Variants in RARB observed in about 807,000 individuals in gnomAD.
RARB encodes retinoic acid receptor beta.
RARB carries 17 observed loss-of-function variants against 51.9 expected under a neutral mutation model. The ratio of observed to expected loss-of-function variants is 0.33; its 90% CI spans 0.22 to 0.49. The LOEUF (loss-of-function observed/expected upper bound fraction) is 0.49. Ranked by LOEUF, RARB falls within the 20% of genes least tolerant of loss-of-function variation. The pLI is 0.99. For missense variants in RARB, 369 were observed against 550.8 expected (o/e 0.67, Z 3.30); for synonymous variants, 215 against 195.4 (o/e 1.10, Z -0.84).
At chr3:25,217,894 A>G (rs541876290) in intron 5 of RARB, among the ~76,000 whole-genome samples, 1 of 152,230 alleles carries the variant, frequency 6.6e-6, no homozygotes, top group South Asian at 2.1e-4. Context: ...CTTATGAGAA[A>G]TGGAAGCGCT....
chr3:24,833,557 T>C (rs915108499), intron 1 of RARB, among the ~76,000 whole-genome samples: 33 of 152,352 alleles, frequency 2.2e-4, no homozygotes, highest in African/African-American at 7.9e-4. Context: ...AACGTCTCCA[T>C]TTGGATGTTT....
At chr3:25,059,923 G>T (rs1333508190) in intron 2 of RARB, among the ~76,000 whole-genome samples, 1 of 151,802 alleles carries the variant, frequency 6.6e-6, no homozygotes, top group Non-Finnish European at 1.5e-5. Flanking sequence ...TGAAAAAAGT[G>T]AGTTGTCGGT....
intron 3 of RARB, among the ~76,000 whole-genome samples, chr3:25,129,130 G>T (rs1459775122): frequency 1.3e-5 from 2 of 151,938 alleles, no homozygotes; most frequent in East Asian, 1.9e-4. Context: ...TAAATCATTA[G>T]ACTGCATGTG....
At chr3:25,284,835 G>GTT (rs1703610819) in intron 5 of RARB, among the ~76,000 whole-genome samples, 1 of 152,182 alleles carries the variant, frequency 6.6e-6, no homozygotes, top group Non-Finnish European at 1.5e-5. Flanking sequence ...TAGGTACACA[G>GTT]AAGGCTAACA....
chr3:24,945,251 T>C (rs934245827), intron 2 of RARB, among the ~76,000 whole-genome samples: 1 of 152,186 alleles, frequency 6.6e-6, no homozygotes, highest in East Asian at 1.9e-4. Flanking sequence ...TAAGAATAAG[T>C]CTGTCAAGAT....
At chr3:25,332,758 A>T (rs1704940853) in intron 5 of RARB, among the ~76,000 whole-genome samples, 1 of 152,210 alleles carries the variant, frequency 6.6e-6, no homozygotes, top group South Asian at 2.1e-4. Flanking sequence ...AGATGACATG[A>T]TTGTATATTT....
intron 2 of RARB, among the ~76,000 whole-genome samples, chr3:24,861,769 A>G (rs1702753162): frequency 6.6e-6 from 1 of 152,154 alleles, no homozygotes; most frequent in Non-Finnish European, 1.5e-5. Context: ...TAGCCTCTGG[A>G]AAACTGCACT....
At chr3:25,242,318 C>G (rs953646971) in intron 5 of RARB, among the ~76,000 whole-genome samples, 1 of 152,186 alleles carries the variant, frequency 6.6e-6, no homozygotes, top group African/African-American at 2.4e-5. Context: ...AATTAGATCC[C>G]ATTTGGAAAT....
At chr3:24,888,172 A>C (rs1703299939) in intron 2 of RARB, among the ~76,000 whole-genome samples, 1 of 152,200 alleles carries the variant, frequency 6.6e-6, no homozygotes, top group South Asian at 2.1e-4. Flanking sequence ...CTGAAACCCA[A>C]AGATGGGCTG....
At chr3:24,944,067 G>A (rs1695724599) in intron 2 of RARB, among the ~76,000 whole-genome samples, 2 of 152,128 alleles carry the variant, frequency 1.3e-5, no homozygotes, top group Admixed American at 6.5e-5. Flanking sequence ...GACCAAGGGG[G>A]GTTTGGGACC....
At chr3:25,217,842 A>G (rs1701867224) in intron 5 of RARB, among the ~76,000 whole-genome samples, 1 of 152,196 alleles carries the variant, frequency 6.6e-6, no homozygotes, top group Admixed American at 6.5e-5. Context: ...GATATGCACC[A>G]AACCCTAAAG....
intron 3 of RARB, among the ~76,000 whole-genome samples, chr3:25,539,532 C>CT (rs56693487): frequency 0.15 from 15,384 of 102,268 alleles, 1,459 homozygotes; most frequent in Admixed American, 0.25. Flanking sequence ...CTCTCTCTCT[C>CT]TTTTTTTTTT....
chr3:25,247,552 C>G (rs1267748563), intron 5 of RARB, among the ~76,000 whole-genome samples: 1 of 152,310 alleles, frequency 6.6e-6, no homozygotes, highest in East Asian at 1.9e-4. Context: ...TGGTCCCTCA[C>G]AGATTCCCTT....
chr3:25,037,259 C>CTTT (rs35430060), intron 2 of RARB, among the ~76,000 whole-genome samples: 1 of 144,004 alleles, frequency 6.9e-6, no homozygotes, highest in African/African-American at 2.5e-5. Context: ...ATTTCACCAG[C>CTTT]TTTTTTTTTT....
intron 5 of RARB, among the ~76,000 whole-genome samples, chr3:25,414,488 A>G (rs147117204): frequency 0.014 from 2,165 of 152,320 alleles, 27 homozygotes; most frequent in Middle Eastern, 0.031. Flanking sequence ...TTTTTAAGAA[A>G]TGTTCAAACT....
At chr3:24,956,522 C>T (rs192209532) in intron 2 of RARB, among the ~76,000 whole-genome samples, 31 of 152,274 alleles carry the variant, frequency 2.0e-4, no homozygotes, top group Middle Eastern at 3.4e-3. Flanking sequence ...CTGCCTGGCT[C>T]TGAAACCAGG....
intron 2 of RARB, among the ~76,000 whole-genome samples, chr3:24,965,408 G>C (rs186814540): frequency 2.5e-4 from 38 of 152,272 alleles, no homozygotes; most frequent in African/African-American, 7.2e-4. Flanking sequence ...TATGGAAAAA[G>C]TAGGTAGGCT....
chr3:25,443,787 T>C (rs1708810465), intron 1 of RARB, among the ~76,000 whole-genome samples: 1 of 150,270 alleles, frequency 6.7e-6, no homozygotes, highest in African/African-American at 2.5e-5. Flanking sequence ...AAAAATTAGC[T>C]GGGCGTGGTG....
intron 5 of RARB, among the ~76,000 whole-genome samples, chr3:25,367,610 G>C (rs1165822957): frequency 6.7e-6 from 1 of 149,706 alleles, no homozygotes; most frequent in African/African-American, 2.5e-5. Flanking sequence ...AAGCTGAGGA[G>C]TTCGAGACCA....
Sources: gnomAD v4.1 joint callset for allele counts (sites outside exome capture counted in the v4.1 genomes callset) on GRCh38, gnomAD v4.1.1 for gene constraint, MANE v1.5 for transcripts, NCBI Gene and HGNC (gene_info 2026-07-23, HGNC 2026-07-21) for gene names.